Variants in DCC observed in about 807,000 individuals in gnomAD.
The protein encoded by DCC is DCC netrin 1 receptor.
DCC carries 58 observed loss-of-function variants against 172.5 expected under a neutral mutation model. The ratio of observed to expected loss-of-function variants is 0.34; its 90% CI spans 0.27 to 0.42. The LOEUF (loss-of-function observed/expected upper bound fraction) is 0.42, where lower values mean the gene tolerates loss of function less well. Among genes scored for constraint, DCC ranks in the 10% least tolerant of loss-of-function variants. The pLI, the probability that DCC is intolerant of heterozygous loss-of-function variation, is 1.00. For synonymous variants in DCC, 709 were observed against 644.5 expected, an observed-to-expected ratio of 1.10 and a Z score of -1.52; for missense variants, 1,740 against 1,791.0, an observed-to-expected ratio of 0.97 and a Z score of 0.51.
chr18:53,049,137 C>A (rs1027683908), intron 5 of DCC, among the ~76,000 whole-genome samples: 1 of 151,660 alleles, frequency 6.6e-6, no homozygotes, highest in African/African-American at 2.4e-5. Context: ...TGTAGGCTGT[C>A]TGTTCATTCT....
At chr18:52,547,314 G>C (rs1651622758) in intron 1 of DCC, among the ~76,000 whole-genome samples, 1 of 152,102 alleles carries the variant, frequency 6.6e-6, no homozygotes, top group South Asian at 2.1e-4. Context: ...TTGTTACCTT[G>C]CCTTGATCAT....
intron 12 of DCC, among the ~76,000 whole-genome samples, chr18:53,244,504 GTTC>G (rs1316465126): frequency 3.3e-5 from 5 of 152,082 alleles, no homozygotes; most frequent in Admixed American, 1.3e-4. Flanking sequence ...CAGCTGTGTG[GTTC>G]TTCTGCTTTA....
chr18:52,582,912 G>A (rs1439628653), intron 1 of DCC, among the ~76,000 whole-genome samples: 1 of 152,054 alleles, frequency 6.6e-6, no homozygotes, highest in Non-Finnish European at 1.5e-5. Flanking sequence ...TTTCATGGTG[G>A]AACACATGAG....
chr18:52,595,057 G>A (rs909294399), intron 1 of DCC, among the ~76,000 whole-genome samples: 1 of 152,128 alleles, frequency 6.6e-6, no homozygotes, highest in Non-Finnish European at 1.5e-5. Context: ...AAAGACTTTA[G>A]CTATGGAATG....
chr18:53,148,881 T>TC (rs1294414440), intron 7 of DCC, among the ~76,000 whole-genome samples: 2 of 149,440 alleles, frequency 1.3e-5, no homozygotes, highest in Non-Finnish European at 3.0e-5. Context: ...TTTTTTTTTT[T>TC]TGGACAAAGT....
chr18:52,350,227 C>T (rs1247285113), intron 1 of DCC, among the ~76,000 whole-genome samples: 6 of 152,178 alleles, frequency 3.9e-5, no homozygotes, highest in Non-Finnish European at 8.8e-5. Context: ...CAGGCACACA[C>T]AGAGGTAGGT....
intron 5 of DCC, among the ~76,000 whole-genome samples, chr18:52,987,608 GT>G (rs1310011566): frequency 6.6e-6 from 1 of 152,128 alleles, no homozygotes; most frequent in African/African-American, 2.4e-5. Flanking sequence ...AAGCAGGTGG[GT>G]TACATATCTG....
chr18:53,122,370 C>G (rs911127463), intron 7 of DCC, among the ~76,000 whole-genome samples: 2 of 151,992 alleles, frequency 1.3e-5, no homozygotes, highest in East Asian at 3.9e-4. Flanking sequence ...GCAATGTAAG[C>G]AAATATAATT....
At chr18:52,605,724 A>T (rs1380648) in intron 1 of DCC, among the ~76,000 whole-genome samples, 3,019 of 152,176 alleles carry the variant, frequency 0.02, 103 homozygotes, top group East Asian at 0.09. Context: ...TCACTGAGCT[A>T]CACTTAATGA....
At chr18:52,751,164 G>A (rs1219837021) in intron 1 of DCC, among the ~76,000 whole-genome samples, 2 of 152,186 alleles carry the variant, frequency 1.3e-5, no homozygotes, top group East Asian at 3.8e-4. Context: ...AAAGTAATTT[G>A]ACTTGAATGA....
intron 2 of DCC, among the ~76,000 whole-genome samples, chr18:52,861,838 G>A (rs1399712540): frequency 2.0e-5 from 3 of 152,092 alleles, no homozygotes; most frequent in Non-Finnish European, 2.9e-5. Context: ...GTATTCAAGA[G>A]TATTTCAGGG....
chr18:53,160,333 A>G (rs2054816311), intron 8 of DCC, among the ~76,000 whole-genome samples: 1 of 152,136 alleles, frequency 6.6e-6, no homozygotes, highest in Non-Finnish European at 1.5e-5. Context: ...AGGACTCTGA[A>G]CACAACGAAA....
At chr18:52,590,008 A>AAT (rs1364281546) in intron 1 of DCC, among the ~76,000 whole-genome samples, 3 of 152,212 alleles carry the variant, frequency 2.0e-5, no homozygotes, top group African/African-American at 7.2e-5. Context: ...TTTTTTTAAA[A>AAT]AAAGATATAC....
rs191594494 is a variant in DCC at position 52,670,250 on chromosome 18, A to G, written c.92-81804A>G. Among the ~76,000 whole-genome samples the G allele has an allele frequency of 4.1e-3, 628 of 152,284 alleles. 24 individuals carry two copies. Among genetic ancestry groups the G allele is most frequent in the Admixed American group, 0.037 (563 of 15,294 alleles). ...CTTTCATTCTTACTTTCTAGTATCAATTTTACCTCTTCAAAGTCAAACTAT... is the reference window on the plus strand; with the variant it reads ...CTTTCATTCTTACTTTCTAGTATCAGTTTTACCTCTTCAAAGTCAAACTAT... On this transcript the variant is annotated intron_variant, in intron 1 of 28. Transcript: ENST00000442544.
intron 2 of DCC, among the ~76,000 whole-genome samples, chr18:52,904,074 T>C (rs2039846291): frequency 6.6e-6 from 1 of 152,208 alleles, no homozygotes; most frequent in Non-Finnish European, 1.5e-5. Flanking sequence ...AGGCAATCTG[T>C]AGTGTTTATC....
At chr18:52,769,985 C>G (rs1282768530) in intron 2 of DCC, among the ~76,000 whole-genome samples, 1 of 152,214 alleles carries the variant, frequency 6.6e-6, no homozygotes, top group Non-Finnish European at 1.5e-5. Flanking sequence ...GCCTGCTTCT[C>G]CTAAAACAGT....
At chr18:52,942,062 T>A (rs2040472669) in intron 5 of DCC, among the ~76,000 whole-genome samples, 1 of 152,170 alleles carries the variant, frequency 6.6e-6, no homozygotes, top group African/African-American at 2.4e-5. Flanking sequence ...GGATTACAAG[T>A]GTGAGCCACT....
intron 1 of DCC, among the ~76,000 whole-genome samples, chr18:52,439,933 G>C (rs1391196884): frequency 1.3e-5 from 2 of 152,128 alleles, no homozygotes; most frequent in Non-Finnish European, 2.9e-5. Context: ...TGATGAAAAG[G>C]TATAAGGAAA....
chr18:52,944,822 A>G (rs1226523096), intron 5 of DCC, among the ~76,000 whole-genome samples: 3 of 152,196 alleles, frequency 2.0e-5, no homozygotes, highest in Non-Finnish European at 4.4e-5. Context: ...CAACAACTTC[A>G]TCTCCCACTG....
Sources: gnomAD v4.1 joint callset for allele counts (sites outside exome capture counted in the v4.1 genomes callset) on GRCh38, gnomAD v4.1.1 for gene constraint, MANE v1.5 for transcripts, NCBI Gene and HGNC (gene_info 2026-07-23, HGNC 2026-07-21) for gene names.